Variants in PCDH15 observed in about 807,000 individuals in gnomAD.
PCDH15 encodes protocadherin-15.
A neutral mutation model predicts 178.5 loss-of-function variants in PCDH15; 129 were observed. That is an observed-to-expected ratio of 0.72 (90% CI 0.63 to 0.84). PCDH15 has a LOEUF of 0.84. PCDH15 is among the 40% of genes least tolerant of loss of function. The probability of loss-of-function intolerance (pLI) is 0.00; values close to 1 mark genes in which losing one functional copy is unlikely to be tolerated. For synonymous variants in PCDH15, 800 were observed against 732.0 expected (o/e 1.09, Z -1.50); for missense variants, 2,230 against 2,099.9 (o/e 1.06, Z -1.21).
At chr10:54,392,388 C>A (rs1950646294) in intron 3 of PCDH15, among the ~76,000 whole-genome samples, 2 of 146,852 alleles carry the variant, frequency 1.4e-5, no homozygotes, top group African/African-American at 5.1e-5. Context: ...ATCACTTGAA[C>A]CCAGGAGGAC....
chr10:54,210,714 A>T (rs1422952920), intron 10 of PCDH15, among the ~76,000 whole-genome samples: 2 of 151,944 alleles, frequency 1.3e-5, no homozygotes, highest in Non-Finnish European at 2.9e-5. Context: ...GCGGTTTAGT[A>T]TGTTTGGAAC....
At chr10:54,588,375 T>C (rs1031536500) in intron 2 of PCDH15, among the ~76,000 whole-genome samples, 3 of 152,202 alleles carry the variant, frequency 2.0e-5, no homozygotes, top group African/African-American at 7.2e-5. Context: ...TTAGCTTTGG[T>C]AAAACTACAT....
At chr10:55,308,120 T>C (rs916358394) in intron 1 of PCDH15, among the ~76,000 whole-genome samples, 1 of 152,062 alleles carries the variant, frequency 6.6e-6, no homozygotes, top group Non-Finnish European at 1.5e-5. Context: ...ATCAAGTGAG[T>C]TTCACTAAAT....
intron 3 of PCDH15, among the ~76,000 whole-genome samples, chr10:54,521,646 A>T (rs2082877895): frequency 6.6e-6 from 1 of 152,210 alleles, no homozygotes; most frequent in Admixed American, 6.5e-5. Context: ...ACTAAGTATT[A>T]CTTTCCAATA....
At chr10:53,816,214 T>C (rs1273638359) in intron 35 of PCDH15, 25 bp downstream of exon 35, 5 of 398,576 alleles carry the variant, frequency 1.3e-5, no homozygotes, top group African/African-American at 6.2e-5. Context: ...CTCAGTGAGG[T>C]TGAAAAGAAA....
At chr10:54,432,754 C>T (rs1299093860) in intron 3 of PCDH15, among the ~76,000 whole-genome samples, 7 of 152,120 alleles carry the variant, frequency 4.6e-5, no homozygotes, top group African/African-American at 1.2e-4. Context: ...AAATCTTCTG[C>T]ACAGCAAAGG....
At chr10:54,977,207 C>G (rs1274619747) in intron 2 of PCDH15, among the ~76,000 whole-genome samples, 1 of 152,116 alleles carries the variant, frequency 6.6e-6, no homozygotes, top group Non-Finnish European at 1.5e-5. Flanking sequence ...TAAAATGAGA[C>G]TGACACTTGC....
At chr10:54,052,793 T>G (rs750100679) in intron 18 of PCDH15, among the ~76,000 whole-genome samples, 4 of 151,624 alleles carry the variant, frequency 2.6e-5, no homozygotes, top group Non-Finnish European at 5.9e-5. Context: ...ACCTTGAATT[T>G]TAGTTCCCAT....
chr10:55,008,122 A>T (rs1839973607), intron 2 of PCDH15, among the ~76,000 whole-genome samples: 1 of 152,188 alleles, frequency 6.6e-6, no homozygotes, highest in Admixed American at 6.6e-5. Flanking sequence ...GCTCGTTTTA[A>T]ATAGTAGTTT....
chr10:54,733,530 A>G (rs1943682140), intron 1 of PCDH15, among the ~76,000 whole-genome samples: 1 of 151,654 alleles, frequency 6.6e-6, no homozygotes, highest in African/African-American at 2.4e-5. Flanking sequence ...AATGAGATAA[A>G]TTATTCCCAA....
intron 2 of PCDH15, among the ~76,000 whole-genome samples, chr10:55,387,512 T>A (rs1210136032): frequency 3.9e-5 from 6 of 152,088 alleles, no homozygotes; most frequent in African/African-American, 1.2e-4. Flanking sequence ...ATAACAACAG[T>A]TGGATAGTTC....
intron 18 of PCDH15, among the ~76,000 whole-genome samples, chr10:54,054,151 A>G (rs2093834513): frequency 6.6e-6 from 1 of 152,166 alleles, no homozygotes; most frequent in Admixed American, 6.5e-5. Flanking sequence ...TGGAAATTCA[A>G]GTGGATATTT....
At chr10:54,412,355 T>C (rs1176681249) in intron 3 of PCDH15, among the ~76,000 whole-genome samples, 1 of 151,946 alleles carries the variant, frequency 6.6e-6, no homozygotes, top group Non-Finnish European at 1.5e-5. Context: ...ATCTTTAAAA[T>C]AGCTTTTGCA....
At chr10:54,403,189 C>G (rs1279677691) in intron 3 of PCDH15, among the ~76,000 whole-genome samples, 2 of 151,906 alleles carry the variant, frequency 1.3e-5, no homozygotes, top group African/African-American at 4.8e-5. Flanking sequence ...AAAACAAAAT[C>G]CAGAGCAAGG....
chr10:53,841,158 A>G (rs1466924248), intron 28 of PCDH15, among the ~76,000 whole-genome samples: 1 of 152,206 alleles, frequency 6.6e-6, no homozygotes, highest in African/African-American at 2.4e-5. Flanking sequence ...TAATTTTCCC[A>G]TCTCATGACT....
intron 4 of PCDH15, among the ~76,000 whole-genome samples, chr10:54,372,674 A>C (rs2134818320): frequency 6.6e-6 from 1 of 151,978 alleles, no homozygotes; most frequent in South Asian, 2.1e-4. Context: ...AAGCCATGGT[A>C]ATTTGACCTT....
chr10:54,232,105 C>G (rs1394665117), intron 9 of PCDH15, among the ~76,000 whole-genome samples: 1 of 152,108 alleles, frequency 6.6e-6, no homozygotes, highest in Non-Finnish European at 1.5e-5. Flanking sequence ...TTTCCCCACC[C>G]AAATCTCATG....
intron 3 of PCDH15, among the ~76,000 whole-genome samples, chr10:54,892,451 A>G (rs902322556): frequency 6.6e-6 from 1 of 152,010 alleles, no homozygotes; most frequent in African/African-American, 2.4e-5. Flanking sequence ...GAAACACAGT[A>G]TCTAGTAAAG....
chr10:54,063,864 C>T (rs946224086), intron 18 of PCDH15, among the ~76,000 whole-genome samples: 1 of 152,156 alleles, frequency 6.6e-6, no homozygotes, highest in Non-Finnish European at 1.5e-5. Flanking sequence ...AGGGCAAGAG[C>T]CTTCTGCTGT....
Sources: allele counts gnomAD v4.1 joint callset (sites outside exome capture counted in the v4.1 genomes callset), GRCh38; gene constraint gnomAD v4.1.1; transcripts MANE v1.5; gene names NCBI Gene and HGNC (gene_info 2026-07-23, HGNC 2026-07-21).